MAPK9: variants seen among roughly 807,000 people sequenced by gnomAD.
MAPK9 encodes mitogen-activated protein kinase 9.
In MAPK9, 30 loss-of-function variants were observed where a neutral mutation model predicts 57.1. That is an observed-to-expected ratio of 0.53 (90% confidence interval 0.39 to 0.71). The LOEUF is 0.71. Among genes scored for constraint, MAPK9 ranks in the 30% least tolerant of loss-of-function variants. The pLI is 0.00. For missense variants in MAPK9, 362 were observed against 521.0 expected (o/e 0.69, Z 2.97); for synonymous variants, 155 against 177.0 (o/e 0.88, Z 0.99).
chr5:180,248,939 C>A, intron 6 of MAPK9, 34 bp downstream of exon 6: 1 of 1,558,832 alleles, frequency 6.4e-7, no homozygotes, highest in Non-Finnish European at 8.7e-7. Context: ...AATTTCTAAA[C>A]ATCCCAGCCT....
Position 180,249,304 on chromosome 5 carries a change from A to G in MAPK9, c.451-166T>C, listed in dbSNP as rs540015416. On this transcript the variant is annotated intron_variant, in intron 5 of 11. Transcript: ENST00000452135. ...CTTACTCTCAAATTGAAACTAAAAC[A>G]AATCAGCCTAAAGCCGTCAGATGGT... is the stretch of plus-strand genomic sequence containing the variant. Among the ~76,000 whole-genome samples the G allele has an allele frequency of 2.0e-5, 3 of 152,340 alleles. No individual in the cohort carries two copies. In the East Asian group the frequency reaches 5.8e-4, roughly 29 times the overall value.
intron 2 of MAPK9, among the ~76,000 whole-genome samples, chr5:180,271,014 G>A (rs564795548): frequency 3.2e-4 from 48 of 152,238 alleles, no homozygotes; most frequent in Middle Eastern, 3.4e-3. Context: ...TAATAACAAT[G>A]TATTGTATTC....
At chr5:180,245,447 G>C (rs1381960669) in intron 7 of MAPK9, among the ~76,000 whole-genome samples, 3 of 152,196 alleles carry the variant, frequency 2.0e-5, no homozygotes, top group African/African-American at 7.2e-5. Context: ...AAATGGGCAG[G>C]TGAGAGAAAT....
At chr5:180,262,199 C>T (rs746196864) in intron 4 of MAPK9, among the ~76,000 whole-genome samples, 2 of 152,050 alleles carry the variant, frequency 1.3e-5, no homozygotes, top group African/African-American at 2.4e-5. Flanking sequence ...AGGCTCTGCA[C>T]GTAAGGGGCT....
At chr5:180,257,047 A>G (rs1043442340) in intron 5 of MAPK9, among the ~76,000 whole-genome samples, 5 of 152,216 alleles carry the variant, frequency 3.3e-5, no homozygotes, top group African/African-American at 9.7e-5. Context: ...TTTTTAAAGC[A>G]AAGTCACCAA....
At chr5:180,283,016 C>G (rs745313003) in intron 1 of MAPK9, among the ~76,000 whole-genome samples, 3 of 152,246 alleles carry the variant, frequency 2.0e-5, no homozygotes, top group Non-Finnish European at 4.4e-5. Context: ...TCACTATGAG[C>G]CCCAGAAGCC....
chr5:180,246,843 G>C (rs900227861), intron 7 of MAPK9: 2 of 152,326 alleles, frequency 1.3e-5, no homozygotes, highest in Middle Eastern at 3.5e-3. Flanking sequence ...CCACTAGACA[G>C]ATTTTTAAAA....
At chr5:180,263,948 G>A (rs1248565678) in intron 4 of MAPK9, among the ~76,000 whole-genome samples, 11 of 151,820 alleles carry the variant, frequency 7.2e-5, no homozygotes, top group Admixed American at 2.0e-4. Flanking sequence ...CTCGTGATCC[G>A]CCCGCCTCGG....
intron 7 of MAPK9, 159 bp from the exon 8 acceptor site, chr5:180,242,914 G>A (rs1329877277): frequency 1.9e-6 from 1 of 529,608 alleles, no homozygotes; most frequent in African/African-American, 1.9e-5. Context: ...GGGTTTCCAA[G>A]TTACACTATT....
chr5:180,238,166 A>C (rs1757336683), intron 11 of MAPK9, 166 bp downstream of exon 11: 1 of 485,942 alleles, frequency 2.1e-6, no homozygotes, highest in African/African-American at 2.0e-5. Flanking sequence ...GCTACTCGGG[A>C]GGCTGAGGCA....
In MAPK9 at chr5:180,247,952, C is replaced by T. The variant is rs1461047120; in HGVS notation, c.617-442G>A. The T allele has an allele frequency of 6.2e-7, 1 of 1,607,280 alleles. No homozygotes were observed. Among genetic ancestry groups the T allele is most frequent in the Non-Finnish European group, 8.5e-7 (1 of 1,176,732 alleles). On this transcript the variant is annotated intron_variant, in intron 6 of 11. Coordinates refer to ENST00000452135, the MANE Select transcript of MAPK9 (RefSeq NM_002752.5). This position sits in a 1 kb window ranked among gnomAD's most constrained non-coding sequence, Gnocchi z 4.5. Reference sequence around the variant, plus strand: ...CTACCAAACACCAGGGGATTAAAAACCAGCTAGAGTCCCCCATCTTTTTTC... The same window carrying T: ...CTACCAAACACCAGGGGATTAAAAATCAGCTAGAGTCCCCCATCTTTTTTC...
At chr5:180,261,221 T>C (rs34741439) in intron 5 of MAPK9, among the ~76,000 whole-genome samples, 1 of 152,272 alleles carries the variant, frequency 6.6e-6, no homozygotes, top group East Asian at 1.9e-4. Context: ...GAGAAATGGA[T>C]ATGTGGGTCA....
chr5:180,288,296 A>C (rs1364273715), intron 1 of MAPK9, among the ~76,000 whole-genome samples: 1 of 152,246 alleles, frequency 6.6e-6, no homozygotes, highest in Non-Finnish European at 1.5e-5. Context: ...TAAACTACCA[A>C]GAAAACAAAG....
rs34979284 is a variant in MAPK9 at position 180,266,666 on chromosome 5, G to A, written c.253-1827C>T. Among the ~76,000 whole-genome samples, 26 of 151,192 alleles carry A rather than the reference G, an allele frequency of 1.7e-4. No homozygotes were observed. In the East Asian group the frequency reaches 4.1e-3, roughly 24 times the overall value. ...TGGGGTCTTGTTTTGTTGCCCAGGTGTGCCTTAAACTCCTGGCTTCAAGCG... is the reference window on the plus strand; with the variant it reads ...TGGGGTCTTGTTTTGTTGCCCAGGTATGCCTTAAACTCCTGGCTTCAAGCG... On this transcript the variant is annotated intron_variant, in intron 3 of 11. Transcript: ENST00000452135.
At chr5:180,265,431 C>T (rs1473069519) in intron 3 of MAPK9, among the ~76,000 whole-genome samples, 1 of 152,158 alleles carries the variant, frequency 6.6e-6, no homozygotes, top group Non-Finnish European at 1.5e-5. Context: ...GGCGGTTTCC[C>T]CCGTGCTGTT....
rs980617802 is a variant in MAPK9, at chr5:180,233,206, G to C, written c.*3178C>G. The C allele has an allele frequency of 2.6e-5, 4 of 152,208 alleles. No individual in the cohort carries two copies. Among genetic ancestry groups the C allele is most frequent in the Admixed American group, 6.5e-5 (1 of 15,268 alleles). The allele number at this position is 152,208 out of a possible 1,614,324, so 9.4% of individuals were successfully genotyped here. A position where few individuals can be genotyped will look rare whatever the true frequency, so the allele number is the denominator to read the frequency against. Reference sequence around the variant, plus strand: ...TGAAGTGCTTCAAACACAGACGTCAGATGAACTTGGCTCATCCCAGGCACA... The same window carrying C: ...TGAAGTGCTTCAAACACAGACGTCACATGAACTTGGCTCATCCCAGGCACA... On this transcript the variant is annotated 3_prime_UTR_variant, in exon 12 of 12. Coordinates refer to ENST00000452135, the MANE Select transcript of MAPK9 (RefSeq NM_002752.5).
chr5:180,263,837 C>T (rs879901123), intron 4 of MAPK9, among the ~76,000 whole-genome samples: 28 of 151,756 alleles, frequency 1.8e-4, no homozygotes, highest in Non-Finnish European at 3.8e-4. Context: ...TCCTGAGTAG[C>T]TGGGACTACA....
chr5:180,285,971 T>C (rs1037328310), intron 1 of MAPK9, among the ~76,000 whole-genome samples: 2 of 147,860 alleles, frequency 1.4e-5, no homozygotes, highest in African/African-American at 5.0e-5. Flanking sequence ...TCCCAGCTAC[T>C]AGGGAGGCTG....
At chr5:180,284,150 T>C (rs959789554) in intron 1 of MAPK9, among the ~76,000 whole-genome samples, 3 of 152,144 alleles carry the variant, frequency 2.0e-5, no homozygotes, top group African/African-American at 7.2e-5. Flanking sequence ...TTCAACAAAA[T>C]GGACCATCAA....
Sources: allele counts gnomAD v4.1 joint callset (sites outside exome capture counted in the v4.1 genomes callset), GRCh38; gene constraint gnomAD v4.1.1; non-coding constraint Gnocchi (gnomAD v3.1); transcripts MANE v1.5; gene names NCBI Gene and HGNC (gene_info 2026-07-23, HGNC 2026-07-21).